Variants in ALPK1 observed in about 807,000 individuals in gnomAD.
ALPK1 encodes the protein alpha-protein kinase 1.
In ALPK1, 110 loss-of-function variants were observed where a neutral mutation model predicts 120.6. The observed-to-expected ratio is 0.91, with a 90% confidence interval of 0.78 to 1.07. ALPK1 has a LOEUF of 1.07. Ranked by LOEUF, ALPK1 falls within the 50% of genes least tolerant of loss-of-function variation. The pLI is 0.00. For synonymous variants in ALPK1, 582 were observed against 560.3 expected (o/e 1.04, Z -0.55); for missense variants, 1,498 against 1,483.9 (o/e 1.01, Z -0.16).
intron 2 of ALPK1, among the ~76,000 whole-genome samples, chr4:112,318,764 T>C (rs1447228846): frequency 6.6e-6 from 1 of 152,252 alleles, no homozygotes; most frequent in Non-Finnish European, 1.5e-5. Context: ...AGTGAGACAC[T>C]GTGGTCACCC....
intron 2 of ALPK1, among the ~76,000 whole-genome samples, chr4:112,323,967 A>T (rs1216073299): frequency 6.6e-6 from 1 of 152,194 alleles, no homozygotes; most frequent in Non-Finnish European, 1.5e-5. Context: ...CTGTGCATGC[A>T]GTCAGTGGGT....
chr4:112,429,047 C>T (rs1734404832), intron 9 of ALPK1, 102 bp from the exon 10 acceptor site: 1 of 1,006,018 alleles, frequency 9.9e-7, no homozygotes, highest in Admixed American at 1.7e-5. Flanking sequence ...GGTGAGGAGT[C>T]CCTTGAAATC....
At chr4:112,408,167 A>T (rs1444105481) in intron 4 of ALPK1, among the ~76,000 whole-genome samples, 1 of 152,166 alleles carries the variant, frequency 6.6e-6, no homozygotes, top group African/African-American at 2.4e-5. Flanking sequence ...CTTAAGTGTA[A>T]CATCAAAAAG....
intron 1 of ALPK1, among the ~76,000 whole-genome samples, chr4:112,300,088 A>G (rs1392481279): frequency 6.6e-6 from 1 of 152,220 alleles, no homozygotes; most frequent in Non-Finnish European, 1.5e-5. Flanking sequence ...TAAAGTCGTA[A>G]TAACAAATAA....
intron 12 of ALPK1, among the ~76,000 whole-genome samples, chr4:112,437,698 CTGAA>C (rs1734846666): frequency 6.6e-6 from 1 of 152,160 alleles, no homozygotes. Flanking sequence ...CTTCAGGAGT[CTGAA>C]TGGCCAAAAC....
chr4:112,317,044 T>A (rs570613807), intron 2 of ALPK1, among the ~76,000 whole-genome samples: 1 of 152,188 alleles, frequency 6.6e-6, no homozygotes, highest in Non-Finnish European at 1.5e-5. Context: ...TCCAAAATTG[T>A]AGTTTCAAAT....
chr4:112,426,272 C>T, intron 7 of ALPK1, 195 bp from the exon 8 acceptor site: 1 of 383,578 alleles, frequency 2.6e-6, no homozygotes, highest in South Asian at 8.2e-5. Context: ...TTCTGTTTCC[C>T]AGTGAAATGG....
intron 2 of ALPK1, among the ~76,000 whole-genome samples, chr4:112,338,898 A>G (rs1729743044): frequency 6.6e-6 from 1 of 152,238 alleles, no homozygotes; most frequent in African/African-American, 2.4e-5. Flanking sequence ...TCAGGAGAGC[A>G]GGCAAAAACT....
chr4:112,389,361 T>C (rs1444730748), intron 4 of ALPK1, among the ~76,000 whole-genome samples: 1 of 152,154 alleles, frequency 6.6e-6, no homozygotes, highest in Non-Finnish European at 1.5e-5. Flanking sequence ...GCTTTTAAGA[T>C]GTTGAGATAC....
chr4:112,328,351 A>G (rs977205610), intron 2 of ALPK1, among the ~76,000 whole-genome samples: 2 of 152,272 alleles, frequency 1.3e-5, no homozygotes, highest in African/African-American at 4.8e-5. Context: ...CAAATGGGGA[A>G]GGTAAATAGC....
At chr4:112,374,812 C>CTTT in intron 2 of ALPK1, among the ~76,000 whole-genome samples, 1 of 152,128 alleles carries the variant, frequency 6.6e-6, no homozygotes, top group East Asian at 1.9e-4. Context: ...TGAAGGAAAC[C>CTTT]TTTTTTTCTG....
intron 2 of ALPK1, chr4:112,357,741 G>A (rs1730708238): frequency 1.5e-6 from 2 of 1,361,946 alleles, no homozygotes; most frequent in Non-Finnish European, 2.1e-6. Context: ...TGTCCTCTTT[G>A]GGGAAGGCTC....
chr4:112,318,111 G>A (rs1227195645), intron 2 of ALPK1, among the ~76,000 whole-genome samples: 2 of 152,164 alleles, frequency 1.3e-5, no homozygotes, highest in Non-Finnish European at 2.9e-5. Context: ...TAGTTTAAAA[G>A]ACCTTTTTAA....
At chr4:112,430,186 C>T (rs1734472890) in intron 10 of ALPK1, among the ~76,000 whole-genome samples, 1 of 152,140 alleles carries the variant, frequency 6.6e-6, no homozygotes, top group Non-Finnish European at 1.5e-5. Flanking sequence ...ATCAAAGATA[C>T]AATAGGATGG....
chr4:112,436,171 G>A (rs1220279352), intron 12 of ALPK1, among the ~76,000 whole-genome samples: 1 of 152,196 alleles, frequency 6.6e-6, no homozygotes, highest in South Asian at 2.1e-4. Context: ...GTAAGCAGTG[G>A]AAGTACATTT....
At position 112,432,376 on chromosome 4, in the gene ALPK1, G is replaced by A; in HGVS notation, c.2829G>A (p.Glu943=). 6.2e-7 allele frequency: 1 copy of A among 1,614,212 alleles called. No homozygotes were observed. Among genetic ancestry groups the A allele is most frequent in the Non-Finnish European group, 8.5e-7 (1 of 1,180,054 alleles). The change falls in exon 11 of 16, where the codon GAG becomes GAA. Residue 943 remains glutamate (E), a synonymous_variant. Transcript: ENST00000650871. Reference sequence around the variant, plus strand: ...CTGCATTTTCCAGTGGTTCTTCTGAGGGGGACAGCCCTTGGTCCTATCTGA... The same window carrying A: ...CTGCATTTTCCAGTGGTTCTTCTGAAGGGGACAGCCCTTGGTCCTATCTGA... ...KSPAFSSGSS[E]GDSPWSYLNS...
intron 5 of ALPK1, among the ~76,000 whole-genome samples, chr4:112,417,379 GC>G (rs1733791632): frequency 6.6e-6 from 1 of 152,150 alleles, no homozygotes; most frequent in African/African-American, 2.4e-5. Context: ...TTAATAAGGT[GC>G]AAAAAATCTT....
rs541709896 is a variant in ALPK1, at chr4:112,352,401, C to G, written c.-100-25277C>G. Among the ~76,000 whole-genome samples the G allele has an allele frequency of 2.6e-5, 4 of 152,268 alleles. No individual in the cohort carries two copies. The East Asian group carries it at 7.7e-4, about 29-fold the overall frequency. On this transcript the variant is annotated intron_variant, in intron 2 of 15. Transcript: ENST00000650871. ...CTTTTCTTTGTAATTTTACTATATA[C>G]AGTCATCCTTTGGTATCCATGGGAG...
At chr4:112,335,196 C>T (rs1372411066) in intron 2 of ALPK1, among the ~76,000 whole-genome samples, 2 of 147,518 alleles carry the variant, frequency 1.4e-5, no homozygotes, top group East Asian at 2.0e-4. Flanking sequence ...GCGGAGGTTG[C>T]GGTGAGTCAA....
Sources: allele counts gnomAD v4.1 joint callset (sites outside exome capture counted in the v4.1 genomes callset), GRCh38; gene constraint gnomAD v4.1.1; transcripts MANE v1.5; gene names NCBI Gene and HGNC (gene_info 2026-07-23, HGNC 2026-07-21).